HDAC4: variants seen among roughly 807,000 people sequenced by gnomAD.
The protein encoded by HDAC4 is histone deacetylase 4.
HDAC4 carries 16 observed loss-of-function variants against 135.1 expected under a neutral mutation model. The observed-to-expected ratio is 0.12, with a 90% CI of 0.08 to 0.18. HDAC4 has a LOEUF of 0.18. Among genes scored for constraint, HDAC4 ranks in the 10% least tolerant of loss-of-function variants. The pLI is 1.00. For synonymous variants in HDAC4, 685 were observed against 653.4 expected, an observed-to-expected ratio of 1.05 and a Z score of -0.74; for missense variants, 1,143 against 1,511.8, an observed-to-expected ratio of 0.76 and a Z score of 4.05.
At chr2:239,380,600 A>C (rs1695351053) in intron 1 of HDAC4, among the ~76,000 whole-genome samples, 1 of 152,158 alleles carries the variant, frequency 6.6e-6, no homozygotes, top group Non-Finnish European at 1.5e-5. Context: ...AAGATGAAAA[A>C]ATTCTAGAAA....
At chr2:239,198,287 A>G (rs74003757) in intron 3 of HDAC4, among the ~76,000 whole-genome samples, 4,744 of 152,238 alleles carry the variant, frequency 0.031, 257 homozygotes, top group African/African-American at 0.11. Flanking sequence ...CTGTGGGCAC[A>G]GTCTGGTTCT....
intron 2 of HDAC4, among the ~76,000 whole-genome samples, chr2:239,334,748 C>A (rs768233074): frequency 2.6e-5 from 4 of 152,032 alleles, no homozygotes; most frequent in African/African-American, 9.7e-5. Flanking sequence ...GGAGGCCGGG[C>A]GTGGTGGCTC....
At chr2:239,385,784 G>C (rs1277612764) in intron 1 of HDAC4, among the ~76,000 whole-genome samples, 1 of 152,160 alleles carries the variant, frequency 6.6e-6, no homozygotes, top group Non-Finnish European at 1.5e-5. Flanking sequence ...GGCAAGCCAC[G>C]GTGAGTGCCG....
intron 2 of HDAC4, among the ~76,000 whole-genome samples, chr2:239,274,581 G>A (rs2050241155): frequency 6.6e-6 from 1 of 152,228 alleles, no homozygotes; most frequent in African/African-American, 2.4e-5. Flanking sequence ...AACCTTCACG[G>A]TAAAAACGAG....
chr2:239,063,286 C>T (rs370131179), intron 24 of HDAC4, among the ~76,000 whole-genome samples: 9 of 151,974 alleles, frequency 5.9e-5, no homozygotes, highest in African/African-American at 1.7e-4. Flanking sequence ...CTGCAGGCTC[C>T]GCCTCCCGGG....
At chr2:239,134,217 G>A (rs1488932151) in intron 11 of HDAC4, 28 bp downstream of exon 11, 1 of 1,593,820 alleles carries the variant, frequency 6.3e-7, no homozygotes, top group Admixed American at 1.7e-5. Context: ...CTCAGAGCCT[G>A]GCTGCACCCA....
intron 1 of HDAC4, among the ~76,000 whole-genome samples, chr2:239,394,160 T>C (rs184481227): frequency 2.6e-5 from 4 of 152,320 alleles, no homozygotes. Flanking sequence ...GTTCAGACTT[T>C]CAGGTCCTAA....
chr2:239,118,047 G>A (rs1319792241), intron 12 of HDAC4, among the ~76,000 whole-genome samples: 2 of 152,146 alleles, frequency 1.3e-5, no homozygotes, highest in African/African-American at 4.8e-5. Context: ...TTGCTCCCAG[G>A]GGTCAGCCGT....
rs1242134042 is a variant in HDAC4 at position 239,352,653 on chromosome 2, C to T, written c.22+25G>A. The T allele has an allele frequency of 7.7e-6, 12 of 1,552,770 alleles. No homozygotes were observed. Among genetic ancestry groups the T allele is most frequent in the Non-Finnish European group, 1.0e-5 (12 of 1,147,044 alleles). ...GGCAAAGAAAGCCCCGCTGTGTGCC[C>T]AGAGAAGAAATGACCCGGCCTTACC... On this transcript the variant is annotated intron_variant, in intron 2 of 26. Transcript: ENST00000543185. The surrounding 1 kb of genome is among the most constrained non-coding windows in gnomAD (Gnocchi z 4.4).
Position 239,095,052 on chromosome 2 carries a change from C to T in HDAC4, c.2238G>A (p.Ser746=), listed in dbSNP as rs749527611. The part of the protein sequence containing the change: ...QKLDSKKLLG[S]LASVFVRLPC... ...GGAGCCGGACGAACACGGAGGCGAGCGAGCCTGTGGGGGGGAGGGAGACGG... is the reference window on the plus strand; with the variant it reads ...GGAGCCGGACGAACACGGAGGCGAGTGAGCCTGTGGGGGGGAGGGAGACGG... Residue 746 remains serine, a synonymous_variant, in exon 17 of 27, where the codon TCG becomes TCA. Coordinates refer to ENST00000543185, the MANE Select transcript of HDAC4 (RefSeq NM_001378414.1). 1.7e-5 allele frequency: 28 copies of T among 1,613,310 alleles called. No individual in the cohort carries two copies. Among genetic ancestry groups the T allele is most frequent in the South Asian group, 4.4e-5 (4 of 91,094 alleles).
chr2:239,099,102 A>G (rs1035899923), intron 16 of HDAC4, among the ~76,000 whole-genome samples: 46 of 152,192 alleles, frequency 3.0e-4, no homozygotes, highest in African/African-American at 1.1e-3. Flanking sequence ...TCTCTCTTAA[A>G]CTTTGTTTGA....
intron 19 of HDAC4, 150 bp downstream of exon 19, chr2:239,087,409 G>C (rs1204794280): frequency 1.3e-5 from 9 of 717,994 alleles, no homozygotes; most frequent in East Asian, 8.1e-5. Context: ...CCACACCCAG[G>C]AGCTGGAGCC....
intron 12 of HDAC4, among the ~76,000 whole-genome samples, chr2:239,120,839 G>T (rs1312416278): frequency 6.6e-6 from 1 of 152,004 alleles, no homozygotes; most frequent in Non-Finnish European, 1.5e-5. Flanking sequence ...GGCAGCTGAG[G>T]GTGGAGGGGA....
At chr2:239,070,401 T>A (rs995445003) in intron 22 of HDAC4, among the ~76,000 whole-genome samples, 1 of 152,250 alleles carries the variant, frequency 6.6e-6, no homozygotes, top group African/African-American at 2.4e-5. Flanking sequence ...GAAAAAGCAC[T>A]CCTTAACACA....
intron 14 of HDAC4, among the ~76,000 whole-genome samples, chr2:239,108,428 G>A (rs903805922): frequency 6.6e-6 from 1 of 152,178 alleles, no homozygotes; most frequent in Non-Finnish European, 1.5e-5. Context: ...TCACAGTAAC[G>A]CCCCAGGACC....
chr2:239,183,253 T>G (rs1465728894), intron 4 of HDAC4, among the ~76,000 whole-genome samples: 3 of 152,286 alleles, frequency 2.0e-5, no homozygotes, highest in Non-Finnish European at 2.9e-5. Flanking sequence ...GCTTTGACTC[T>G]GACTTCAGAA....
chr2:239,160,600 C>CGT (rs1458074766), intron 6 of HDAC4, among the ~76,000 whole-genome samples: 1 of 152,246 alleles, frequency 6.6e-6, no homozygotes, highest in African/African-American at 2.4e-5. Flanking sequence ...GTCTAGGCAC[C>CGT]GTGCCTCTGG....
intron 7 of HDAC4, among the ~76,000 whole-genome samples, chr2:239,152,043 T>C (rs1365981605): frequency 6.6e-6 from 1 of 152,176 alleles, no homozygotes; most frequent in African/African-American, 2.4e-5. Context: ...GAGGGGAAAA[T>C]TTAAGAGTCA....
intron 2 of HDAC4, chr2:239,298,350 G>A: frequency 8.3e-7 from 1 of 1,203,408 alleles, no homozygotes; most frequent in Non-Finnish European, 1.1e-6. Flanking sequence ...GATGCTTCCA[G>A]AACCTGACAC....
Sources: allele counts gnomAD v4.1 joint callset (sites outside exome capture counted in the v4.1 genomes callset), GRCh38; gene constraint gnomAD v4.1.1; non-coding constraint Gnocchi (gnomAD v3.1); transcripts MANE v1.5; gene names NCBI Gene and HGNC (gene_info 2026-07-23, HGNC 2026-07-21).